GRAMD1B: variants seen among roughly 807,000 people sequenced by gnomAD.
The protein encoded by GRAMD1B is protein Aster-B.
GRAMD1B carries 37 observed loss-of-function variants against 99.7 expected under a neutral mutation model. That is an observed-to-expected ratio of 0.37 (90% CI 0.29 to 0.49). The LOEUF is 0.49. Ranked by LOEUF, GRAMD1B falls within the 20% of genes least tolerant of loss-of-function variation. The pLI, the probability that GRAMD1B is intolerant of heterozygous loss-of-function variation, is 0.98. For synonymous variants in GRAMD1B, 427 were observed against 387.6 expected, an observed-to-expected ratio of 1.10 and a Z score of -1.19; for missense variants, 888 against 1,009.2, an observed-to-expected ratio of 0.88 and a Z score of 1.63.
chr11:123,495,693 G>A (rs917544120), intron 2 of GRAMD1B, among the ~76,000 whole-genome samples: 2 of 88,446 alleles, frequency 2.3e-5, no homozygotes, highest in Admixed American at 1.2e-4. Context: ...TTTTTTTTTT[G>A]TCTTTTCTTG....
At chr11:123,386,788 A>T (rs1947077302) in intron 1 of GRAMD1B, among the ~76,000 whole-genome samples, 1 of 152,188 alleles carries the variant, frequency 6.6e-6, no homozygotes, top group Admixed American at 6.5e-5. Flanking sequence ...AAAGCTGCCC[A>T]GTCCCCACTG....
chr11:123,579,594 C>T (rs1949107576), intron 3 of GRAMD1B, among the ~76,000 whole-genome samples: 1 of 152,132 alleles, frequency 6.6e-6, no homozygotes, highest in African/African-American at 2.4e-5. Flanking sequence ...GCAGCCCCCT[C>T]TTGAGTGCCT....
At chr11:123,411,572 A>C (rs1948054079) in intron 1 of GRAMD1B, among the ~76,000 whole-genome samples, 1 of 152,154 alleles carries the variant, frequency 6.6e-6, no homozygotes, top group Non-Finnish European at 1.5e-5. Flanking sequence ...ACATTCCCCC[A>C]GAGATTTAGA....
At chr11:123,533,029 G>C (rs528920470) in intron 2 of GRAMD1B, among the ~76,000 whole-genome samples, 3 of 152,220 alleles carry the variant, frequency 2.0e-5, no homozygotes, top group Middle Eastern at 3.2e-3. Flanking sequence ...AAGTGCAATG[G>C]TGCGATCTCG....
intron 1 of GRAMD1B, among the ~76,000 whole-genome samples, chr11:123,404,363 C>T (rs1018579178): frequency 6.6e-6 from 1 of 152,216 alleles, no homozygotes; most frequent in Non-Finnish European, 1.5e-5. Context: ...CAGCAAGTAT[C>T]TGATTCCTCA....
intron 2 of GRAMD1B, among the ~76,000 whole-genome samples, chr11:123,540,874 C>T (rs1944442472): frequency 6.6e-6 from 1 of 152,092 alleles, no homozygotes; most frequent in Non-Finnish European, 1.5e-5. Context: ...AAACATGCAT[C>T]CCTATCTGTC....
At chr11:123,496,303 A>G (rs1047346395) in intron 2 of GRAMD1B, among the ~76,000 whole-genome samples, 28 of 151,832 alleles carry the variant, frequency 1.8e-4, no homozygotes, top group African/African-American at 6.1e-4. Flanking sequence ...CTAGCTTGTC[A>G]GGTTTGCACT....
At chr11:123,615,613 A>T (rs1954267555) in intron 17 of GRAMD1B, among the ~76,000 whole-genome samples, 1 of 152,220 alleles carries the variant, frequency 6.6e-6, no homozygotes, top group South Asian at 2.1e-4. Context: ...TGCGCTACTG[A>T]TTCGAGGGAC....
At chr11:123,609,687 G>A (rs113135833) in intron 12 of GRAMD1B, 108 bp from the exon 13 acceptor site, 38 of 661,038 alleles carry the variant, frequency 5.7e-5, no homozygotes, top group African/African-American at 4.0e-4. Context: ...CCTTTTGGGG[G>A]CCAGGCAGTA....
At position 123,606,714 on chromosome 11, in the gene GRAMD1B, C is replaced by T. The variant is rs1432159441; in HGVS notation, c.1429C>T (p.Pro477Ser). Reference sequence around the variant, plus strand: ...GGGGGAGAAGATTGAGATGATCGCTCCTGTGAACTCCCCTTCACTGGACTT... The same window carrying T: ...GGGGGAGAAGATTGAGATGATCGCTTCTGTGAACTCCCCTTCACTGGACTT... ...IMGEKIEMIAPVNSPSLDFND... is the reference protein window; with the variant it reads ...IMGEKIEMIASVNSPSLDFND... Residue 477 changes from proline to serine, a missense_variant, in exon 11 of 20, where the codon CCT becomes TCT. This residue lies in a region of GRAMD1B where 269 missense variants were observed against 296.6 expected (regional missense o/e 0.91). Transcript: ENST00000635736. 1.2e-6 allele frequency: 2 copies of T among 1,613,502 alleles called. No homozygotes were observed. Among genetic ancestry groups the T allele is most frequent in the East Asian group, 2.2e-5 (1 of 44,880 alleles).
chr11:123,563,712 A>G (rs1038665584), intron 2 of GRAMD1B, among the ~76,000 whole-genome samples: 1 of 152,150 alleles, frequency 6.6e-6, no homozygotes, highest in African/African-American at 2.4e-5. Flanking sequence ...TCTTAAAAGT[A>G]TAGTAGAGAC....
intron 1 of GRAMD1B, 95 bp downstream of exon 1, chr11:123,431,261 G>T: frequency 1.7e-6 from 1 of 600,922 alleles, no homozygotes; most frequent in Non-Finnish European, 3.0e-6. Context: ...CGTCCTGGGG[G>T]AGAACAGGAG....
chr11:123,521,387 T>A (rs1942187310), intron 2 of GRAMD1B, among the ~76,000 whole-genome samples: 1 of 152,216 alleles, frequency 6.6e-6, no homozygotes, highest in African/African-American at 2.4e-5. Flanking sequence ...ATTATCTTTC[T>A]TTTTCTCATT....
chr11:123,395,028 A>G (rs558922429), intron 1 of GRAMD1B, among the ~76,000 whole-genome samples: 10 of 152,330 alleles, frequency 6.6e-5, no homozygotes, highest in African/African-American at 1.9e-4. Flanking sequence ...TACTGTTATG[A>G]TTAAATTTCA....
intron 2 of GRAMD1B, among the ~76,000 whole-genome samples, chr11:123,483,956 A>G (rs1369235961): frequency 1.3e-5 from 2 of 152,312 alleles, no homozygotes; most frequent in Admixed American, 6.5e-5. Flanking sequence ...GAGACATGGC[A>G]CTTCCAAGGA....
chr11:123,490,782 A>G (rs1187031337), intron 2 of GRAMD1B, among the ~76,000 whole-genome samples: 1 of 152,156 alleles, frequency 6.6e-6, no homozygotes, highest in Non-Finnish European at 1.5e-5. Context: ...TAGAGGAGGC[A>G]AGAGAAGGTT....
Position 123,614,062 on chromosome 11 carries a change from C to T in GRAMD1B, c.2227+404C>T, listed in dbSNP as rs190962387. ...GACAGTCCCCGTTCACTTCAACCCGCATGGGCCAACCCAGGCTTGCCCTCT... is the reference window on the plus strand; with the variant it reads ...GACAGTCCCCGTTCACTTCAACCCGTATGGGCCAACCCAGGCTTGCCCTCT... On this transcript the variant is annotated intron_variant, in intron 16 of 19. Transcript: ENST00000635736. 3.3e-5 allele frequency among the ~76,000 whole-genome samples: 5 copies of T among 152,272 alleles called. No individual in the cohort carries two copies. In the East Asian group the frequency reaches 9.7e-4, roughly 30 times the overall value.
chr11:123,560,201 G>A, intron 2 of GRAMD1B: 1 of 1,032,254 alleles, frequency 9.7e-7, no homozygotes, highest in Non-Finnish European at 1.2e-6. Context: ...GCGTGTGCGT[G>A]TCTGCGCGCA....
chr11:123,476,219 A>G (rs1591644873), intron 1 of GRAMD1B, among the ~76,000 whole-genome samples: 1 of 151,916 alleles, frequency 6.6e-6, no homozygotes. Context: ...TCCTGCCTCA[A>G]CTTCCCGAGT....
Sources: allele counts gnomAD v4.1 joint callset (sites outside exome capture counted in the v4.1 genomes callset), GRCh38; gene constraint gnomAD v4.1.1; regional missense constraint gnomAD v4.1.1; transcripts MANE v1.5; gene names NCBI Gene and HGNC (gene_info 2026-07-23, HGNC 2026-07-21).